The following GRM8 variants were observed in gnomAD, a reference collection of about 807,000 sequenced individuals.
GRM8 encodes the protein glutamate metabotropic receptor 8.
In GRM8, 47 loss-of-function variants were observed where a neutral mutation model predicts 87.2. That is an observed-to-expected ratio of 0.54 (90% CI 0.43 to 0.69). The LOEUF (loss-of-function observed/expected upper bound fraction) is 0.69, where lower values mean the gene tolerates loss of function less well. Ranked by LOEUF, GRM8 falls within the 30% of genes least tolerant of loss-of-function variation. GRM8 has a pLI of 0.00. For missense variants in GRM8, 1,019 were observed against 1,139.2 expected, an observed-to-expected ratio of 0.89 and a Z score of 1.52; for synonymous variants, 396 against 404.5, an observed-to-expected ratio of 0.98 and a Z score of 0.25.
intron 3 of GRM8, among the ~76,000 whole-genome samples, chr7:126,969,796 G>A (rs2535928): frequency 0.77 from 116,799 of 151,914 alleles, 45,256 homozygotes; most frequent in East Asian, 0.97. Flanking sequence ...TACAGGTATC[G>A]CTATCTAGGA....
intron 6 of GRM8, among the ~76,000 whole-genome samples, chr7:126,822,079 T>C (rs1180340519): frequency 6.6e-6 from 1 of 152,230 alleles, no homozygotes; most frequent in Non-Finnish European, 1.5e-5. Flanking sequence ...GAGCTGACAC[T>C]GTGTCCTTCT....
At chr7:126,696,765 C>A (rs1809429444) in intron 7 of GRM8, among the ~76,000 whole-genome samples, 1 of 152,138 alleles carries the variant, frequency 6.6e-6, no homozygotes, top group South Asian at 2.1e-4. Flanking sequence ...GAAAAGGAGG[C>A]TCAGATGGGA....
At chr7:126,720,085 C>T (rs1222500788) in intron 7 of GRM8, among the ~76,000 whole-genome samples, 1 of 151,586 alleles carries the variant, frequency 6.6e-6, no homozygotes, top group African/African-American at 2.4e-5. Flanking sequence ...TTCTTACCTT[C>T]CTTTCTTGTC....
At position 126,827,923 on chromosome 7, in the gene GRM8, G is replaced by C. The variant is rs528006082; in HGVS notation, c.1157-57858C>G. ...TTTATTGAGAATTTTTAGCATGAAG[G>C]GTTGTTGAATTTTGTCAAAGGCCTT... On this transcript the variant is annotated intron_variant, in intron 6 of 10. Transcript: ENST00000339582. 1.1e-4 allele frequency among the ~76,000 whole-genome samples: 17 copies of C among 152,206 alleles called. No individual in the cohort carries two copies. The East Asian group carries it at 1.2e-3, about 10-fold the overall frequency.
At position 126,515,652 on chromosome 7, in the gene GRM8, T is replaced by C. The variant is rs967612022; in HGVS notation, c.2430+17300A>G. Among the ~76,000 whole-genome samples, 3 of 152,084 alleles carry C rather than the reference T, an allele frequency of 2.0e-5. No individual in the cohort carries two copies. In the South Asian group the frequency reaches 6.2e-4, roughly 31 times the overall value. The stretch of plus-strand genomic sequence containing the variant: ...CTGTGTTCTCACCTTTTTCATCTTT[T>C]AGAGGCTGTTTTCTGCATTCCTTGG... On this transcript the variant is annotated intron_variant, in intron 9 of 10. Transcript: ENST00000339582.
At chr7:126,733,612 C>CA (rs887686947) in intron 7 of GRM8, among the ~76,000 whole-genome samples, 8 of 151,474 alleles carry the variant, frequency 5.3e-5, no homozygotes, top group South Asian at 2.1e-4. Flanking sequence ...ATTTATTCCA[C>CA]AAAAAACAGT....
Position 127,025,926 on chromosome 7 carries a change from T to C in GRM8, c.727+80570A>G, listed in dbSNP as rs936277292. ...TGAAGGTTTGTTACATAGGTATACA[T>C]GTACCATGTTGGTTTGCTGCACCCA... On this transcript the variant is annotated intron_variant, in intron 3 of 10. Coordinates refer to ENST00000339582, the MANE Select transcript of GRM8 (RefSeq NM_000845.3). 3.9e-5 allele frequency among the ~76,000 whole-genome samples: 6 copies of C among 152,146 alleles called. No individual in the cohort carries two copies. In the East Asian group the frequency reaches 9.7e-4, roughly 24 times the overall value.
At chr7:126,554,123 A>C (rs1792883425) in intron 8 of GRM8, among the ~76,000 whole-genome samples, 1 of 152,132 alleles carries the variant, frequency 6.6e-6, no homozygotes, top group Non-Finnish European at 1.5e-5. Context: ...TGCTTCCTAA[A>C]ATTGTTTAAG....
intron 9 of GRM8, 145 bp from the exon 10 acceptor site, chr7:126,446,517 G>A (rs1802039687): frequency 1.7e-6 from 1 of 602,944 alleles, no homozygotes; most frequent in Non-Finnish European, 2.9e-6. Flanking sequence ...CTTAATTATA[G>A]TCAACCATTC....
intron 9 of GRM8, among the ~76,000 whole-genome samples, chr7:126,446,982 C>T (rs1232107578): frequency 6.6e-6 from 1 of 151,814 alleles, no homozygotes; most frequent in Non-Finnish European, 1.5e-5. Context: ...AGCATCATAT[C>T]GAAATAAGTC....
At position 126,533,324 on chromosome 7, in the gene GRM8, C is replaced by T. The variant is rs756180003; in HGVS notation, c.2058G>A (p.Ala686=). The part of the protein sequence containing the change: ...IFEQGKKSVT[A]PKFISPASQL... ...GAGATGCTGGACTAATGAACTTGGG[C>T]GCTGTGACAGATTTCTTCCCCTGCT... Residue 686 remains alanine (A), a synonymous_variant, in exon 9 of 11, where the codon GCG becomes GCA. Transcript: ENST00000339582. The T allele has an allele frequency of 9.3e-6, 15 of 1,613,410 alleles. No homozygotes were observed. The highest frequency in any genetic ancestry group is 3.3e-5 in the Admixed American group (2 of 59,936).
chr7:126,502,981 G>A (rs1187853876), intron 9 of GRM8, among the ~76,000 whole-genome samples: 1 of 151,944 alleles, frequency 6.6e-6, no homozygotes, highest in African/African-American at 2.4e-5. Flanking sequence ...TGAGTCTCAA[G>A]CCTTTCATGA....
intron 3 of GRM8, among the ~76,000 whole-genome samples, chr7:126,906,613 G>A (rs1802703705): frequency 6.6e-6 from 1 of 152,212 alleles, no homozygotes; most frequent in African/African-American, 2.4e-5. Flanking sequence ...TTATGCTTTA[G>A]GTAGACTTTC....
chr7:126,468,828 T>C (rs1485081911), intron 9 of GRM8, among the ~76,000 whole-genome samples: 2 of 152,148 alleles, frequency 1.3e-5, no homozygotes, highest in Non-Finnish European at 2.9e-5. Flanking sequence ...TCAGGCAGCA[T>C]GCTATACTAT....
intron 2 of GRM8, among the ~76,000 whole-genome samples, chr7:127,127,911 T>G (rs1022203960): frequency 3.9e-5 from 6 of 152,066 alleles, no homozygotes; most frequent in African/African-American, 1.4e-4. Context: ...TACTTCCATA[T>G]CCTTCAACAC....
chr7:126,711,763 G>T (rs1159011984), intron 7 of GRM8, among the ~76,000 whole-genome samples: 1 of 152,198 alleles, frequency 6.6e-6, no homozygotes, highest in Non-Finnish European at 1.5e-5. Flanking sequence ...ATCAGCATTT[G>T]CTGCTCACCT....
Position 126,744,633 on chromosome 7 carries a change from T to C in GRM8, c.1357+25232A>G, listed in dbSNP as rs1444338827. Among the ~76,000 whole-genome samples, 3 of 152,206 alleles carry C rather than the reference T, an allele frequency of 2.0e-5. No individual in the cohort carries two copies. The South Asian group carries it at 6.2e-4, about 32-fold the overall frequency. On this transcript the variant is annotated intron_variant, in intron 7 of 10. Coordinates refer to ENST00000339582, the MANE Select transcript of GRM8 (RefSeq NM_000845.3). ...ATAGACCAATGAATTTTAAGTTTATTGAACTGTCTCAGAAAACTGAAATTA... is the reference window on the plus strand; with the variant it reads ...ATAGACCAATGAATTTTAAGTTTATCGAACTGTCTCAGAAAACTGAAATTA...
rs1009824604 is a variant in GRM8 at position 126,635,015 on chromosome 7, C to T, written c.1358-25517G>A. Among the ~76,000 whole-genome samples, 5 of 152,134 alleles carry T rather than the reference C, an allele frequency of 3.3e-5. No homozygotes were observed. The East Asian group carries it at 5.8e-4, about 18-fold the overall frequency. On this transcript the variant is annotated intron_variant, in intron 7 of 10. Coordinates refer to ENST00000339582, the MANE Select transcript of GRM8 (RefSeq NM_000845.3). The stretch of plus-strand genomic sequence containing the variant: ...CTGAGACACCATCCCTGTGCGTGTT[C>T]CCTCCTCTTACGGGGGTGAAAGTCA...
chr7:127,082,383 G>C (rs1586946341), intron 3 of GRM8, among the ~76,000 whole-genome samples: 2 of 152,110 alleles, frequency 1.3e-5, no homozygotes, highest in Admixed American at 1.3e-4. Context: ...GGAAACCTGA[G>C]TCCCTGGTGC....
Sources: gnomAD v4.1 joint callset for allele counts (sites outside exome capture counted in the v4.1 genomes callset) on GRCh38, gnomAD v4.1.1 for gene constraint, MANE v1.5 for transcripts, NCBI Gene and HGNC (gene_info 2026-07-23, HGNC 2026-07-21) for gene names.